Variants in TCF12 observed in about 807,000 individuals in gnomAD.
TCF12 encodes transcription factor 12.
In TCF12, 45 loss-of-function variants were observed where a neutral mutation model predicts 86.0. The observed-to-expected ratio is 0.52, with a 90% CI of 0.41 to 0.67. TCF12 has a LOEUF of 0.67. TCF12 is among the 30% of genes least tolerant of loss of function. The pLI, the probability that TCF12 is intolerant of heterozygous loss-of-function variation, is 0.00. For synonymous variants in TCF12, 330 were observed against 299.6 expected (o/e 1.10, Z -1.05); for missense variants, 881 against 859.9 (o/e 1.02, Z -0.31).
chr15:57,194,969 C>G (rs145784692), intron 7 of TCF12, among the ~76,000 whole-genome samples: 8,430 of 152,210 alleles, frequency 0.055, 617 homozygotes, highest in East Asian at 0.27. Context: ...ATGGCATGAT[C>G]TCGGCTCACT....
At chr15:57,128,380 G>A (rs573854358) in intron 5 of TCF12, among the ~76,000 whole-genome samples, 9 of 152,072 alleles carry the variant, frequency 5.9e-5, no homozygotes, top group Admixed American at 3.3e-4. Context: ...TTTATCCTAG[G>A]CACCACGCAA....
intron 3 of TCF12, among the ~76,000 whole-genome samples, chr15:57,035,697 A>T (rs374432473): frequency 2.0e-5 from 3 of 151,928 alleles, no homozygotes; most frequent in African/African-American, 7.3e-5. Flanking sequence ...ATTTTTGGGG[A>T]AAAAAACACC....
intron 8 of TCF12, among the ~76,000 whole-genome samples, chr15:57,216,933 T>G (rs1274991182): frequency 1.3e-5 from 2 of 152,058 alleles, no homozygotes; most frequent in South Asian, 2.1e-4. Flanking sequence ...TTGTTGATGA[T>G]TTACTGTTTT....
At chr15:56,924,137 T>G (rs2059906844) in intron 3 of TCF12, among the ~76,000 whole-genome samples, 1 of 152,274 alleles carries the variant, frequency 6.6e-6, no homozygotes, top group African/African-American at 2.4e-5. Flanking sequence ...TTTTAGATAG[T>G]TGTAGATTCA....
intron 4 of TCF12, among the ~76,000 whole-genome samples, chr15:57,075,303 C>T (rs2069786192): frequency 6.6e-6 from 1 of 152,156 alleles, no homozygotes; most frequent in South Asian, 2.1e-4. Flanking sequence ...CGTTTTTCCT[C>T]AGTATCTTTC....
At chr15:57,184,981 T>A (rs1321578916) in intron 6 of TCF12, among the ~76,000 whole-genome samples, 2 of 152,210 alleles carry the variant, frequency 1.3e-5, no homozygotes, top group Non-Finnish European at 2.9e-5. Context: ...TGGAGACTAC[T>A]TCTCCTTTAG....
intron 5 of TCF12, among the ~76,000 whole-genome samples, chr15:57,159,746 G>A (rs1228051185): frequency 6.6e-6 from 1 of 152,078 alleles, no homozygotes; most frequent in African/African-American, 2.4e-5. Context: ...GAGTTTTTCT[G>A]TGTAAAATAT....
At chr15:57,023,352 A>G (rs1229242354) in intron 3 of TCF12, among the ~76,000 whole-genome samples, 1 of 152,144 alleles carries the variant, frequency 6.6e-6, no homozygotes, top group Non-Finnish European at 1.5e-5. Flanking sequence ...TGGTATTTTC[A>G]GTTTTAAAAG....
At chr15:57,075,804 T>TTCTTTCTTTCTTTCTTTCTC (rs1461514777) in intron 4 of TCF12, among the ~76,000 whole-genome samples, 1 of 28,590 alleles carries the variant, frequency 3.5e-5, no homozygotes, top group African/African-American at 1.4e-4. Flanking sequence ...CTTTCTTTCT[T>TTCTTTCTTTCTTTCTTTCTC]TCTCTCTCTC....
At chr15:57,168,935 A>G (rs1341762516) in intron 6 of TCF12, among the ~76,000 whole-genome samples, 3 of 152,126 alleles carry the variant, frequency 2.0e-5, no homozygotes, top group African/African-American at 4.8e-5. Context: ...AATCCCAGCT[A>G]CTTGGGAAGC....
At chr15:57,174,341 A>G (rs1409681062) in intron 6 of TCF12, among the ~76,000 whole-genome samples, 1 of 152,242 alleles carries the variant, frequency 6.6e-6, no homozygotes, top group Non-Finnish European at 1.5e-5. Flanking sequence ...ATAGATACAG[A>G]AAAGATATTT....
intron 4 of TCF12, among the ~76,000 whole-genome samples, chr15:57,079,551 A>AC (rs762218292): frequency 3.3e-5 from 5 of 152,208 alleles, no homozygotes; most frequent in Non-Finnish European, 7.4e-5. Flanking sequence ...AATTGACGTA[A>AC]GATACGAGTC....
At chr15:57,247,213 A>G (rs1325421041) in intron 13 of TCF12, 5 of 616,994 alleles carry the variant, frequency 8.1e-6, no homozygotes, top group African/African-American at 7.3e-5. Flanking sequence ...TACTGTAACC[A>G]GGACTACCAC....
chr15:56,989,854 G>C (rs999463444), intron 3 of TCF12, among the ~76,000 whole-genome samples: 1 of 152,178 alleles, frequency 6.6e-6, no homozygotes, highest in Admixed American at 6.5e-5. Flanking sequence ...TGTTGGACCT[G>C]CCTAAAGTGT....
chr15:56,998,299 A>C (rs1220767049), intron 3 of TCF12, among the ~76,000 whole-genome samples: 1 of 152,080 alleles, frequency 6.6e-6, no homozygotes, highest in Non-Finnish European at 1.5e-5. Flanking sequence ...TTTACTAAAA[A>C]TACAAAAATT....
intron 13 of TCF12, among the ~76,000 whole-genome samples, chr15:57,245,626 C>CA (rs1299753508): frequency 1.3e-5 from 2 of 152,138 alleles, no homozygotes; most frequent in Non-Finnish European, 2.9e-5. Context: ...TATGAAGGGT[C>CA]ATCAATGAAA....
rs564306973 is a variant in TCF12 at position 57,171,230 on chromosome 15, C to T, written c.390+4764C>T. Among the ~76,000 whole-genome samples the T allele has an allele frequency of 1.1e-4, 17 of 150,718 alleles. No homozygotes were observed. In the East Asian group the frequency reaches 3.3e-3, roughly 29 times the overall value. ...AAGATATTCAGATGAGAGAAAGATA[C>T]CTTTTTTTTTTTAAGAATTCATAGG... On this transcript the variant is annotated intron_variant, in intron 6 of 20. Coordinates refer to ENST00000333725, the MANE Select transcript of TCF12 (RefSeq NM_207037.2).
chr15:57,158,599 G>A (rs1397741803), intron 5 of TCF12, among the ~76,000 whole-genome samples: 4 of 152,194 alleles, frequency 2.6e-5, no homozygotes, highest in Non-Finnish European at 5.9e-5. Flanking sequence ...TTGGGAAGCT[G>A]CTTACAGTTC....
chr15:56,925,986 A>T (rs181489474), intron 3 of TCF12, among the ~76,000 whole-genome samples: 1 of 152,330 alleles, frequency 6.6e-6, no homozygotes, highest in East Asian at 1.9e-4. Context: ...TTTTGGGAAG[A>T]TGGGAAATGG....
Sources: allele counts gnomAD v4.1 joint callset (sites outside exome capture counted in the v4.1 genomes callset), GRCh38; gene constraint gnomAD v4.1.1; transcripts MANE v1.5; gene names NCBI Gene and HGNC (gene_info 2026-07-23, HGNC 2026-07-21).